Variants in STK3 observed in about 807,000 individuals in gnomAD.
The protein encoded by STK3 is serine/threonine kinase 3, also known as serine/threonine-protein kinase 3.
STK3 carries 41 observed loss-of-function variants against 58.0 expected under a neutral mutation model. The ratio of observed to expected loss-of-function variants is 0.71; its 90% CI spans 0.55 to 0.92. STK3 has a LOEUF of 0.92. STK3 is among the 40% of genes least tolerant of loss of function. The pLI, the probability that STK3 is intolerant of heterozygous loss-of-function variation, is 0.00. For missense variants in STK3, 479 were observed against 602.7 expected (o/e 0.79, Z 2.15); for synonymous variants, 170 against 191.0 (o/e 0.89, Z 0.91).
chr8:98,556,971 G>C (rs896787783), intron 8 of STK3, among the ~76,000 whole-genome samples: 76 of 152,006 alleles, frequency 5.0e-4, no homozygotes, highest in African/African-American at 1.8e-3. Flanking sequence ...ATTTTAATTT[G>C]AATAAAATAG....
chr8:98,472,819 G>T (rs1302141455), intron 10 of STK3, among the ~76,000 whole-genome samples: 1 of 151,890 alleles, frequency 6.6e-6, no homozygotes, highest in Non-Finnish European at 1.5e-5. Flanking sequence ...TAATTCAACA[G>T]TAATTACTAT....
At chr8:98,422,784 T>G (rs896368629) in intron 3 of STK3, among the ~76,000 whole-genome samples, 2 of 152,148 alleles carry the variant, frequency 1.3e-5, no homozygotes, top group African/African-American at 4.8e-5. Flanking sequence ...TGCAGACTCA[T>G]GGACACACAG....
At chr8:98,700,937 A>C (rs952274642) in intron 6 of STK3, among the ~76,000 whole-genome samples, 1 of 152,202 alleles carries the variant, frequency 6.6e-6, no homozygotes, top group Non-Finnish European at 1.5e-5. Context: ...AGGGAGGCGA[A>C]GATTGCAGTG....
chr8:98,797,683 A>C (rs760150286), intron 1 of STK3, among the ~76,000 whole-genome samples: 51 of 152,334 alleles, frequency 3.3e-4, no homozygotes, highest in Non-Finnish European at 6.0e-4. Flanking sequence ...TTATTATATA[A>C]AAATATTAAT....
Position 98,562,826 on chromosome 8 carries a change from C to T in STK3, c.949-14665G>A, listed in dbSNP as rs1292648581. ...ACTTGGGAGGTTGAGGCAGGAGGAT[C>T]GCTTCAGCCCAAAAGTTCAAGACAG... On this transcript the variant is annotated intron_variant, in intron 8 of 10. Coordinates refer to ENST00000419617, the MANE Select transcript of STK3 (RefSeq NM_006281.4). Among the ~76,000 whole-genome samples the T allele has an allele frequency of 2.1e-5, 3 of 143,116 alleles. No individual in the cohort carries two copies. In the Admixed American group the frequency reaches 2.2e-4, roughly 11 times the overall value. The allele number at this position is 143,116 out of a possible 152,430, so 93.9% of individuals were successfully genotyped here. A position where few individuals can be genotyped will look rare whatever the true frequency, so the allele number is the denominator to read the frequency against.
At chr8:98,471,909 G>C (rs182332371) in intron 10 of STK3, among the ~76,000 whole-genome samples, 22 of 152,256 alleles carry the variant, frequency 1.4e-4, no homozygotes, top group African/African-American at 4.8e-4. Flanking sequence ...AATCTGGTGA[G>C]TACTTAGCTA....
intron 10 of STK3, among the ~76,000 whole-genome samples, chr8:98,525,459 CACAAG>C (rs1774955589): frequency 6.6e-6 from 1 of 150,708 alleles, no homozygotes; most frequent in African/African-American, 2.4e-5. Context: ...TTCCAACTGA[CACAAG>C]ACAACTCTTT....
downstream of STK3, among the ~76,000 whole-genome samples, chr8:98,400,712 C>T (rs575106339): frequency 6.6e-6 from 1 of 152,274 alleles, no homozygotes; most frequent in East Asian, 1.9e-4. Context: ...ATTCTTCATC[C>T]ATGTTCTTCT....
At chr8:98,801,710 ACACT>A (rs2131627758) in intron 1 of STK3, among the ~76,000 whole-genome samples, 1 of 152,280 alleles carries the variant, frequency 6.6e-6, no homozygotes, top group Non-Finnish European at 1.5e-5. Context: ...AAGAACTGTA[ACACT>A]CACCACAAGG....
At chr8:98,576,258 C>G (rs1813390354) in intron 8 of STK3, among the ~76,000 whole-genome samples, 1 of 152,190 alleles carries the variant, frequency 6.6e-6, no homozygotes, top group South Asian at 2.1e-4. Context: ...CCTTGGTCTA[C>G]ATACCTATCC....
intron 3 of STK3, among the ~76,000 whole-genome samples, chr8:98,833,836 A>G (rs749554063): frequency 5.9e-5 from 9 of 152,160 alleles, no homozygotes; most frequent in Non-Finnish European, 8.8e-5. Context: ...TTATAGCCCC[A>G]TCTCTGACAA....
chr8:98,640,943 TATAA>T (rs1441220876), intron 6 of STK3, among the ~76,000 whole-genome samples: 2 of 151,008 alleles, frequency 1.3e-5, no homozygotes, highest in African/African-American at 2.4e-5. Flanking sequence ...ATTTATATGT[TATAA>T]ATACAGACTA....
chr8:98,484,256 C>T (rs11985382), intron 10 of STK3, among the ~76,000 whole-genome samples: 62,624 of 151,916 alleles, frequency 0.41, 13,109 homozygotes, highest in Admixed American at 0.53. Context: ...AAATACTAAC[C>T]TTTGTCATTC....
intron 1 of STK3, among the ~76,000 whole-genome samples, chr8:98,818,582 A>G (rs146451579): frequency 6.6e-6 from 1 of 152,076 alleles, no homozygotes; most frequent in East Asian, 1.9e-4. Context: ...GTATCAAGAT[A>G]GCAGAAACAT....
At chr8:98,762,590 A>G (rs1365123789) in intron 3 of STK3, among the ~76,000 whole-genome samples, 1 of 152,222 alleles carries the variant, frequency 6.6e-6, no homozygotes, top group Non-Finnish European at 1.5e-5. Context: ...GTGAGAGCAC[A>G]TCAGGCCTAC....
At chr8:98,452,594 T>C (rs1425864570), downstream of STK3, among the ~76,000 whole-genome samples, 2 of 152,118 alleles carry the variant, frequency 1.3e-5, no homozygotes, top group Non-Finnish European at 1.5e-5. Context: ...TTCACGATAC[T>C]GTATTTATTA....
At chr8:98,798,854 A>G (rs907780813) in intron 1 of STK3, among the ~76,000 whole-genome samples, 1 of 152,174 alleles carries the variant, frequency 6.6e-6, no homozygotes, top group Non-Finnish European at 1.5e-5. Context: ...AGGGCTCCTC[A>G]CCTCGTGAAT....
intron 6 of STK3, among the ~76,000 whole-genome samples, chr8:98,630,624 CAGAGAGGA>C (rs1819108953): frequency 6.7e-6 from 1 of 148,776 alleles, no homozygotes; most frequent in African/African-American, 2.5e-5. Context: ...GCCTGGGTGA[CAGAGAGGA>C]ACAGAAGAAG....
chr8:98,934,154 T>C (rs550269714), intron 1 of STK3, among the ~76,000 whole-genome samples: 2 of 152,368 alleles, frequency 1.3e-5, no homozygotes, highest in Admixed American at 1.3e-4. Flanking sequence ...CTGCTTTATA[T>C]GGCAACAGAG....
Sources: allele counts gnomAD v4.1 joint callset (sites outside exome capture counted in the v4.1 genomes callset), GRCh38; gene constraint gnomAD v4.1.1; transcripts MANE v1.5; gene names NCBI Gene and HGNC (gene_info 2026-07-23, HGNC 2026-07-21).